DGKH: variants seen among roughly 807,000 people sequenced by gnomAD.
DGKH encodes the protein diacylglycerol kinase eta.
Under a neutral mutation model 159.3 loss-of-function variants are expected in DGKH, and 90 were observed. The observed-to-expected ratio is 0.57, with a 90% CI of 0.48 to 0.67. The LOEUF (loss-of-function observed/expected upper bound fraction) is 0.67, where lower values mean the gene tolerates loss of function less well. Ranked by LOEUF, DGKH falls within the 30% of genes least tolerant of loss-of-function variation. DGKH has a pLI of 0.00. For synonymous variants in DGKH, 536 were observed against 553.8 expected, an observed-to-expected ratio of 0.97 and a Z score of 0.45; for missense variants, 1,181 against 1,506.1, an observed-to-expected ratio of 0.78 and a Z score of 3.57.
intron 1 of DGKH, among the ~76,000 whole-genome samples, chr13:42,106,921 G>A (rs1179164544): frequency 6.6e-6 from 1 of 152,140 alleles, no homozygotes; most frequent in Non-Finnish European, 1.5e-5. Context: ...GCAGGTGCCT[G>A]TAATCACAGC....
intron 3 of DGKH, among the ~76,000 whole-genome samples, chr13:42,132,893 G>A (rs761151955): frequency 3.3e-5 from 5 of 151,974 alleles, no homozygotes; most frequent in Non-Finnish European, 7.4e-5. Flanking sequence ...TTTTGGCCGG[G>A]CGTGATGGCT....
chr13:42,119,823 G>A (rs964676644), intron 1 of DGKH, among the ~76,000 whole-genome samples: 1 of 152,030 alleles, frequency 6.6e-6, no homozygotes, highest in Non-Finnish European at 1.5e-5. Flanking sequence ...TTCTCATCAA[G>A]TTAATGATTA....
At chr13:42,118,191 T>C (rs1954999185) in intron 1 of DGKH, among the ~76,000 whole-genome samples, 1 of 151,998 alleles carries the variant, frequency 6.6e-6, no homozygotes, top group African/African-American at 2.4e-5. Flanking sequence ...CACTCCAGCC[T>C]GGGCAAGAGA....
chr13:42,121,794 TC>T (rs1219464908), intron 1 of DGKH, among the ~76,000 whole-genome samples: 3 of 152,224 alleles, frequency 2.0e-5, no homozygotes, highest in Admixed American at 2.0e-4. Flanking sequence ...AAAGATGTAC[TC>T]CTAGTTCTAA....
chr13:42,147,384 A>G (rs1447594628), intron 3 of DGKH, among the ~76,000 whole-genome samples: 1 of 152,190 alleles, frequency 6.6e-6, no homozygotes, highest in Non-Finnish European at 1.5e-5. Context: ...GTTCTTTTGA[A>G]GTTTTTAGCA....
chr13:42,134,097 C>T (rs774228707), intron 3 of DGKH, among the ~76,000 whole-genome samples: 3 of 152,136 alleles, frequency 2.0e-5, no homozygotes, highest in Non-Finnish European at 2.9e-5. Flanking sequence ...ACTACATAAA[C>T]GGTAAATGGA....
rs1593984508 is a variant in DGKH at position 42,071,367 on chromosome 13, T to A, written c.192+22402T>A. Among the ~76,000 whole-genome samples, 3 of 152,288 alleles carry A rather than the reference T, an allele frequency of 2.0e-5. No individual in the cohort carries two copies. In the South Asian group the frequency reaches 6.2e-4, roughly 32 times the overall value. ...AAAGGGGCAGCAACTCTGCAGACAT[T>A]TAAAGAAGACACTCAAGAAACTCAA... is the stretch of plus-strand genomic sequence containing the variant. On this transcript the variant is annotated intron_variant, in intron 1 of 29. Transcript: ENST00000337343.
intron 1 of DGKH, among the ~76,000 whole-genome samples, chr13:42,051,058 G>A (rs1275699870): frequency 3.9e-5 from 6 of 152,128 alleles, no homozygotes; most frequent in African/African-American, 1.2e-4. Flanking sequence ...GGTTTCATGC[G>A]CTCGTTGTAA....
At chr13:42,135,265 G>A (rs1385262945) in intron 3 of DGKH, among the ~76,000 whole-genome samples, 2 of 151,848 alleles carry the variant, frequency 1.3e-5, no homozygotes, top group African/African-American at 4.8e-5. Flanking sequence ...TTGGGAGGCC[G>A]AGGTGGGAGA....
chr13:42,071,203 A>C, intron 1 of DGKH: 1 of 461,392 alleles, frequency 2.2e-6, no homozygotes, highest in Non-Finnish European at 3.9e-6. Context: ...AAGAAAAATA[A>C]TTATGCTTCC....
chr13:42,101,785 G>GAGAGAGAGAGAA (rs1954656883), intron 1 of DGKH, among the ~76,000 whole-genome samples: 1 of 151,840 alleles, frequency 6.6e-6, no homozygotes, highest in Non-Finnish European at 1.5e-5. Context: ...GAGAGAGAGA[G>GAGAGAGAGAGAA]AGAGAGAGAA....
intron 15 of DGKH, among the ~76,000 whole-genome samples, chr13:42,190,091 T>A (rs1040895256): frequency 1.3e-5 from 2 of 152,238 alleles, no homozygotes; most frequent in African/African-American, 4.8e-5. Context: ...AGCTATAGTC[T>A]AAATGTTAAT....
chr13:42,041,691 T>TC (rs1371573771), intron 1 of DGKH, among the ~76,000 whole-genome samples: 1 of 152,082 alleles, frequency 6.6e-6, no homozygotes, highest in Non-Finnish European at 1.5e-5. Flanking sequence ...CACCCCGGAA[T>TC]CCCCCTCTCA....
rs1958391738 is a variant in DGKH, at chr13:42,235,365, A to G, written c.*6177A>G. The G allele has an allele frequency of 6.6e-6, 1 of 152,170 alleles. No individual in the cohort carries two copies. The highest frequency in any genetic ancestry group is 1.5e-5 in the Non-Finnish European group (1 of 68,010). The allele number at this position is 152,170 out of a possible 1,614,324, so 9.4% of individuals were successfully genotyped here. ...ATTTCATTTTAGCTACAAGTTATTC[A>G]TTGCATAGGATTTTATAAATAGTCT... On this transcript the variant is annotated 3_prime_UTR_variant, in exon 30 of 30. Coordinates refer to ENST00000337343, the MANE Select transcript of DGKH (RefSeq NM_178009.5).
At chr13:42,096,240 C>T (rs989741848) in intron 1 of DGKH, among the ~76,000 whole-genome samples, 6 of 151,764 alleles carry the variant, frequency 4.0e-5, no homozygotes, top group African/African-American at 1.5e-4. Context: ...TTAACCCCTC[C>T]CCACCTGCCC....
chr13:42,106,012 AT>A (rs886843274), intron 1 of DGKH, among the ~76,000 whole-genome samples: 1 of 148,660 alleles, frequency 6.7e-6, no homozygotes, highest in African/African-American at 2.5e-5. Context: ...TTTTTTTTTA[AT>A]TTTTTTTATT....
At chr13:42,053,296 A>C (rs893597200) in intron 1 of DGKH, among the ~76,000 whole-genome samples, 2 of 151,384 alleles carry the variant, frequency 1.3e-5, no homozygotes, top group East Asian at 1.9e-4. Context: ...CAGGTTCTGC[A>C]CATGTAACCC....
At chr13:42,136,627 T>C (rs1359697535) in intron 3 of DGKH, among the ~76,000 whole-genome samples, 2 of 152,208 alleles carry the variant, frequency 1.3e-5, no homozygotes, top group Non-Finnish European at 2.9e-5. Flanking sequence ...TTTTTATTTG[T>C]TTGTTTGAAG....
At chr13:42,053,620 A>ATATATATAACTATATATGTG (rs1566076876) in intron 1 of DGKH, among the ~76,000 whole-genome samples, 2 of 144,666 alleles carry the variant, frequency 1.4e-5, no homozygotes, top group African/African-American at 5.1e-5. Flanking sequence ...CTATATATGT[A>ATATATATAACTATATATGTG]TATATATATA....
Sources: allele counts gnomAD v4.1 joint callset (sites outside exome capture counted in the v4.1 genomes callset), GRCh38; gene constraint gnomAD v4.1.1; transcripts MANE v1.5; gene names NCBI Gene and HGNC (gene_info 2026-07-23, HGNC 2026-07-21).